Variants in PTPRD observed in about 807,000 individuals in gnomAD.
PTPRD encodes protein tyrosine phosphatase receptor type D.
A neutral mutation model predicts 214.5 loss-of-function variants in PTPRD; 34 were observed. That is an observed-to-expected ratio of 0.16 (90% CI 0.12 to 0.21). The LOEUF is 0.21. PTPRD is among the 10% of genes least tolerant of loss of function. PTPRD has a pLI of 1.00. For missense variants in PTPRD, 2,545 were observed against 2,398.7 expected (o/e 1.06, Z -1.27); for synonymous variants, 1,128 against 845.7 (o/e 1.33, Z -5.79).
chr9:8,841,933 C>G (rs992624996), intron 11 of PTPRD, among the ~76,000 whole-genome samples: 1 of 151,632 alleles, frequency 6.6e-6, no homozygotes, highest in Non-Finnish European at 1.5e-5. Context: ...ATCAGATGAG[C>G]CCAGGAAGCA....
chr9:8,925,858 A>ATTTTTTTTTT (rs33971552), intron 11 of PTPRD, among the ~76,000 whole-genome samples: 2 of 120,172 alleles, frequency 1.7e-5, no homozygotes, highest in Admixed American at 9.2e-5. Context: ...CTATTGCAAT[A>ATTTTTTTTTT]TTTTTTTTTT....
At chr9:9,043,802 G>A (rs893755507) in intron 10 of PTPRD, among the ~76,000 whole-genome samples, 7 of 152,072 alleles carry the variant, frequency 4.6e-5, no homozygotes, top group African/African-American at 1.7e-4. Flanking sequence ...TACCCAGGAG[G>A]CTGAAGCAGG....
chr9:9,513,436 C>A (rs2096757513), intron 8 of PTPRD, among the ~76,000 whole-genome samples: 1 of 151,830 alleles, frequency 6.6e-6, no homozygotes, highest in African/African-American at 2.4e-5. Flanking sequence ...GTGTATTTAA[C>A]AATAGACAAT....
chr9:9,601,684 A>G (rs562288059), intron 7 of PTPRD, among the ~76,000 whole-genome samples: 1 of 152,234 alleles, frequency 6.6e-6, no homozygotes, highest in African/African-American at 2.4e-5. Context: ...TCAGTAAATA[A>G]TAAGGGACTA....
intron 2 of PTPRD, among the ~76,000 whole-genome samples, chr9:10,594,867 T>A (rs1328972824): frequency 2.0e-5 from 3 of 151,974 alleles, no homozygotes; most frequent in Non-Finnish European, 4.4e-5. Context: ...CCATATTAAA[T>A]GAAAAATGCT....
chr9:10,102,553 A>G (rs2098563349), intron 3 of PTPRD, among the ~76,000 whole-genome samples: 1 of 151,586 alleles, frequency 6.6e-6, no homozygotes, highest in Non-Finnish European at 1.5e-5. Flanking sequence ...TACTTATATT[A>G]ATAAAATACT....
intron 39 of PTPRD, among the ~76,000 whole-genome samples, chr9:8,353,830 A>ATGTATATATG (rs144699728): frequency 0.46 from 12,668 of 27,580 alleles, 1,934 homozygotes; most frequent in East Asian, 0.63. Flanking sequence ...ATATGTATAT[A>ATGTATATATG]TGTATATATG....
At chr9:9,209,960 G>C (rs114653730) in intron 9 of PTPRD, among the ~76,000 whole-genome samples, 3 of 151,994 alleles carry the variant, frequency 2.0e-5, no homozygotes, top group African/African-American at 7.3e-5. Flanking sequence ...GATCCCATGG[G>C]GTGATGCAGA....
At position 8,486,307 on chromosome 9, in the gene PTPRD, T is replaced by C; in HGVS notation, c.2510A>G (p.Asn837Ser). 6.2e-7 allele frequency: 1 copy of C among 1,614,172 alleles called. No individual in the cohort carries two copies. The highest frequency in any genetic ancestry group is 2.2e-5 in the East Asian group (1 of 44,880). The change falls in exon 28 of 46, where the codon AAT becomes AGT. Residue 837 changes from asparagine (N) to serine (S), a missense_variant. Transcript: ENST00000381196. The part of the protein sequence containing the change: ...PRLVINHTQM[N>S]TALIQWHPPV... ...AGGGTGCCACTGAATAAGAGCAGTA[T>C]TCATCTGAGTGTGGTTAATCACAAG...
chr9:9,802,419 A>G (rs975927700), intron 5 of PTPRD, among the ~76,000 whole-genome samples: 1 of 151,930 alleles, frequency 6.6e-6, no homozygotes, highest in Non-Finnish European at 1.5e-5. Context: ...GCACTACCTT[A>G]TATTAGGCCA....
chr9:8,510,673 C>T (rs970387506), intron 21 of PTPRD, among the ~76,000 whole-genome samples: 20 of 152,128 alleles, frequency 1.3e-4, no homozygotes, highest in African/African-American at 4.8e-4. Flanking sequence ...AGGCTCCAGG[C>T]TCATCAATGG....
intron 3 of PTPRD, among the ~76,000 whole-genome samples, chr9:10,233,342 T>C (rs2099618287): frequency 2.6e-5 from 4 of 151,992 alleles, no homozygotes; most frequent in African/African-American, 2.4e-5. Flanking sequence ...AGATCCTTCA[T>C]TGTTTTGTGT....
At chr9:9,598,506 A>G (rs2093527941) in intron 7 of PTPRD, among the ~76,000 whole-genome samples, 1 of 152,028 alleles carries the variant, frequency 6.6e-6, no homozygotes, top group Non-Finnish European at 1.5e-5. Flanking sequence ...ATAATAAAAA[A>G]TGTTCATGGT....
intron 11 of PTPRD, among the ~76,000 whole-genome samples, chr9:9,009,423 T>G (rs1198620404): frequency 6.6e-6 from 1 of 152,116 alleles, no homozygotes; most frequent in East Asian, 1.9e-4. Flanking sequence ...TTATTTTATT[T>G]TATTTTATTT....
At position 10,214,807 on chromosome 9, in the gene PTPRD, A is replaced by G. The variant is rs76077029; in HGVS notation, c.-545+126156T>C. Among the ~76,000 whole-genome samples the G allele has an allele frequency of 1.8e-4, 27 of 152,184 alleles. No homozygotes were observed. The East Asian group carries it at 5.2e-3, about 29-fold the overall frequency. ...TGGTCTCTTTGCCAACATGTAGCTA[A>G]TATATTAAACTGAGTCTTTTACTCT... On this transcript the variant is annotated intron_variant, in intron 3 of 45. Coordinates refer to ENST00000381196, the MANE Select transcript of PTPRD (RefSeq NM_002839.4).
intron 9 of PTPRD, among the ~76,000 whole-genome samples, chr9:9,324,102 G>C (rs892346314): frequency 6.6e-6 from 1 of 152,116 alleles, no homozygotes; most frequent in South Asian, 2.1e-4. Context: ...ATGGACATTT[G>C]GGTTGGTTCC....
At chr9:9,073,701 T>G (rs956100279) in intron 10 of PTPRD, among the ~76,000 whole-genome samples, 1 of 152,190 alleles carries the variant, frequency 6.6e-6, no homozygotes, top group African/African-American at 2.4e-5. Context: ...TTTGGACTTG[T>G]CAGCTCCCAC....
chr9:8,985,226 A>G (rs892618390), intron 11 of PTPRD, among the ~76,000 whole-genome samples: 2 of 152,088 alleles, frequency 1.3e-5, no homozygotes, highest in African/African-American at 4.8e-5. Context: ...CCAAGGATAT[A>G]CTAGGCATAT....
chr9:10,503,417 T>C (rs1480415600), intron 2 of PTPRD, among the ~76,000 whole-genome samples: 1 of 151,994 alleles, frequency 6.6e-6, no homozygotes, highest in Non-Finnish European at 1.5e-5. Context: ...ACCAAAAATA[T>C]TGAATAATAT....
Sources: allele counts gnomAD v4.1 joint callset (sites outside exome capture counted in the v4.1 genomes callset), GRCh38; gene constraint gnomAD v4.1.1; transcripts MANE v1.5; gene names NCBI Gene and HGNC (gene_info 2026-07-23, HGNC 2026-07-21).